ARHGEF18: variants seen among roughly 807,000 people sequenced by gnomAD.
The protein encoded by ARHGEF18 is rho guanine nucleotide exchange factor 18.
ARHGEF18 carries 93 observed loss-of-function variants against 155.7 expected under a neutral mutation model. The observed-to-expected ratio is 0.60, with a 90% CI of 0.50 to 0.71. The LOEUF (loss-of-function observed/expected upper bound fraction) is 0.71, where lower values mean the gene tolerates loss of function less well. Among genes scored for constraint, ARHGEF18 ranks in the 30% least tolerant of loss-of-function variants. ARHGEF18 has a pLI of 0.00. For synonymous variants in ARHGEF18, 742 were observed against 753.1 expected, an observed-to-expected ratio of 0.99 and a Z score of 0.24; for missense variants, 1,593 against 1,816.1, an observed-to-expected ratio of 0.88 and a Z score of 2.23.
intron 1 of ARHGEF18, among the ~76,000 whole-genome samples, chr19:7,353,712 G>A (rs1308328261): frequency 2.6e-5 from 4 of 151,768 alleles, no homozygotes; most frequent in African/African-American, 9.7e-5. Context: ...CAGTACTTTC[G>A]GAGGCCGAGG....
intron 10 of ARHGEF18, among the ~76,000 whole-genome samples, chr19:7,414,015 C>T (rs533612705): frequency 2.6e-4 from 40 of 152,232 alleles, no homozygotes; most frequent in South Asian, 1.5e-3. Flanking sequence ...GAGTGAGTAC[C>T]GGGATGCTTA....
rs761980836 is a variant in ARHGEF18 at position 7,442,036 on chromosome 19, A to T, written c.1344A>T (p.Arg448Ser). Residue 448 changes from arginine to serine, a missense_variant, in exon 13 of 29, where the codon AGA (arginine) becomes AGT (serine). Arg to Ser is a moderately radical substitution (Grantham distance 110). Transcript: ENST00000668164. ...AKKQKREVVK[R>S]QDVLYELMQT... The stretch of plus-strand genomic sequence containing the variant: ...AGCAAAAGAGGGAGGTGGTGAAAAG[A>T]CAAGATGTCCTTTATGGTGAGGAGT... 1.2e-6 allele frequency: 2 copies of T among 1,614,088 alleles called. No homozygotes were observed. The highest frequency in any genetic ancestry group is 1.7e-6 in the Non-Finnish European group (2 of 1,180,028).
intron 20 of ARHGEF18, among the ~76,000 whole-genome samples, chr19:7,460,527 C>T (rs900024073): frequency 4.6e-5 from 7 of 152,086 alleles, no homozygotes; most frequent in African/African-American, 1.2e-4. Flanking sequence ...AAAGAAGCCC[C>T]GTCCCCCTTA....
intron 26 of ARHGEF18, among the ~76,000 whole-genome samples, chr19:7,468,458 G>A (rs1202591251): frequency 6.6e-6 from 1 of 152,152 alleles, no homozygotes; most frequent in East Asian, 1.9e-4. Context: ...GAGGCAGGGG[G>A]ATCATTTGAG....
At position 7,463,701 on chromosome 19, in the gene ARHGEF18, C is replaced by T. The variant is rs1034317985; in HGVS notation, c.2636-117C>T. On this transcript the variant is annotated intron_variant, in intron 21 of 28. Transcript: ENST00000668164. This position sits in a 1 kb window ranked among gnomAD's most constrained non-coding sequence, Gnocchi z 5.2. Reference sequence around the variant, plus strand: ...CCCACGGCACACAGAAGGGGGCAGGCGATCACCACCCCAGTGAGTCCCTCC... The same window carrying T: ...CCCACGGCACACAGAAGGGGGCAGGTGATCACCACCCCAGTGAGTCCCTCC... 4.7e-6 allele frequency: 6 copies of T among 1,269,652 alleles called. No individual in the cohort carries two copies. The highest frequency in any genetic ancestry group is 2.7e-5 in the Admixed American group (1 of 36,562). 78.6% of individuals were successfully genotyped at this position (1,269,652 alleles called of 1,614,324 possible).
chr19:7,417,750 C>T lies in ARHGEF18; in HGVS notation c.968-22594C>T, dbSNP rs531266730. Among the ~76,000 whole-genome samples, 6 of 152,032 alleles carry T rather than the reference C, an allele frequency of 3.9e-5. No individual in the cohort carries two copies. The South Asian group carries it at 1.0e-3, about 26-fold the overall frequency. ...GGACAGGCAGAAGGAGCAGCAGCCA[C>T]GGGGGCCCAGTGGGATGGTGACATG... is the stretch of plus-strand genomic sequence containing the variant. On this transcript the variant is annotated intron_variant, in intron 10 of 28. Coordinates refer to ENST00000668164, the MANE Select transcript of ARHGEF18 (RefSeq NM_001367823.1).
At chr19:7,464,010 A>G (rs751455946) in intron 22 of ARHGEF18, 55 bp downstream of exon 22, 211 of 1,507,386 alleles carry the variant, frequency 1.4e-4, no homozygotes, top group Non-Finnish European at 1.8e-4. Flanking sequence ...CAGGATGCAC[A>G]TTAACTTGTA....
chr19:7,443,131 C>T lies in ARHGEF18; in HGVS notation c.1361-1073C>T, dbSNP rs7250998. ...AGGCTGGAGTGCAGTGGTTCCATCT[C>T]GGCTCACCTCCACCTCCCGGGTTCA... On this transcript the variant is annotated intron_variant, in intron 13 of 28. Coordinates refer to ENST00000668164, the MANE Select transcript of ARHGEF18 (RefSeq NM_001367823.1). Among the ~76,000 whole-genome samples the T allele has an allele frequency of 8.5e-3, 1,239 of 145,076 alleles. 17 individuals carry two copies. Among genetic ancestry groups the T allele is most frequent in the African/African-American group, 0.029 (1,112 of 39,006 alleles).
chr19:7,474,559 G>A (rs143187431), downstream of ARHGEF18, among the ~76,000 whole-genome samples: 716 of 151,896 alleles, frequency 4.7e-3, 4 homozygotes, highest in African/African-American at 0.016. Context: ...TTGCATTTTT[G>A]TAGAGATGGG....
chr19:7,357,481 G>C (rs868565795), intron 1 of ARHGEF18, among the ~76,000 whole-genome samples: 27 of 152,170 alleles, frequency 1.8e-4, no homozygotes, highest in South Asian at 6.2e-4. Flanking sequence ...GCTGATAGTG[G>C]AGGAGGCTGC....
chr19:7,367,159 A>C (rs1218020455), intron 2 of ARHGEF18, among the ~76,000 whole-genome samples: 1 of 152,188 alleles, frequency 6.6e-6, no homozygotes, highest in Non-Finnish European at 1.5e-5. Flanking sequence ...ACAATCCTAC[A>C]AGTAGGTGGC....
intron 22 of ARHGEF18, among the ~76,000 whole-genome samples, 175 bp downstream of exon 22, chr19:7,464,130 T>C (rs1297008311): frequency 1.3e-5 from 2 of 152,182 alleles, no homozygotes; most frequent in Admixed American, 6.5e-5. Context: ...CTCTGCCTCC[T>C]GGGTTCAAGT....
intron 10 of ARHGEF18, among the ~76,000 whole-genome samples, chr19:7,406,474 T>G (rs1250984672): frequency 6.6e-6 from 1 of 152,202 alleles, no homozygotes; most frequent in African/African-American, 2.4e-5. Context: ...TATTACAGTC[T>G]GTCAAATGTC....
intron 10 of ARHGEF18, among the ~76,000 whole-genome samples, chr19:7,408,033 T>C (rs10422562): frequency 0.16 from 23,593 of 149,616 alleles, 3,946 homozygotes; most frequent in African/African-American, 0.43. Flanking sequence ...AATCTCAGCA[T>C]TTCAGGAGGC....
chr19:7,464,571 A>G lies in ARHGEF18; in HGVS notation c.2785A>G (p.Lys929Glu). ...TNSPTKNGSF[K>E]KKVSSTDPRP... ...CTTGGGGTTCTCAGATGGCAGTTTC[A>G]AGAAGAAAGTCAGCAGCACTGACCC... The change falls in exon 23 of 29, where the codon AAG (lysine) becomes GAG (glutamate). Residue 929 changes from lysine to glutamate, a missense_variant. Physicochemically the swap from Lys to Glu is moderately conservative, Grantham distance 56 (BLOSUM62 1). Coordinates refer to ENST00000668164, the MANE Select transcript of ARHGEF18 (RefSeq NM_001367823.1). The G allele has an allele frequency of 1.2e-6, 2 of 1,610,324 alleles. No individual in the cohort carries two copies. Among genetic ancestry groups the G allele is most frequent in the South Asian group, 1.1e-5 (1 of 91,006 alleles).
chr19:7,450,993 T>A (rs954673897), intron 15 of ARHGEF18, among the ~76,000 whole-genome samples, 156 bp from the exon 16 acceptor site: 20 of 152,242 alleles, frequency 1.3e-4, no homozygotes, highest in African/African-American at 4.8e-4. Context: ...TAATGCAGGA[T>A]CTTGCTGTCC....
At position 7,412,735 on chromosome 19, in the gene ARHGEF18, C is replaced by G. The variant is rs1972761825; in HGVS notation, c.968-27609C>G. On this transcript the variant is annotated intron_variant, in intron 10 of 28. Coordinates refer to ENST00000668164, the MANE Select transcript of ARHGEF18 (RefSeq NM_001367823.1). ...GGAGCCTGGGTGACAGAGCAAGACTCTGTCTCAAAAAAAAAAAAAAAGTAA... is the reference window on the plus strand; with the variant it reads ...GGAGCCTGGGTGACAGAGCAAGACTGTGTCTCAAAAAAAAAAAAAAAGTAA... Among the ~76,000 whole-genome samples, 3 of 120,922 alleles carry G rather than the reference C, an allele frequency of 2.5e-5. No individual in the cohort carries two copies. In the Admixed American group the frequency reaches 2.8e-4, roughly 11 times the overall value. 79.3% of individuals were successfully genotyped at this position (120,922 alleles called of 152,430 possible).
At chr19:7,477,228 C>G, downstream of ARHGEF18, 2 of 1,529,146 alleles carry the variant, frequency 1.3e-6, no homozygotes, top group Non-Finnish European at 1.8e-6. Context: ...TCGGCCTGGC[C>G]GCCGGCCCGG....
Position 7,470,291 on chromosome 19 carries a change from T to C in ARHGEF18, c.4079T>C (p.Phe1360Ser). The C allele has an allele frequency of 1.3e-6, 2 of 1,532,160 alleles. No homozygotes were observed. The highest frequency in any genetic ancestry group is 1.8e-6 in the Non-Finnish European group (2 of 1,140,910). 94.9% of individuals were successfully genotyped at this position (1,532,160 alleles called of 1,614,324 possible). The change falls in exon 29 of 29, where the codon TTC becomes TCC. Residue 1360 changes from phenylalanine (F) to serine (S), a missense_variant. Transcript: ENST00000668164. The surrounding 1 kb of genome is among the most constrained non-coding windows in gnomAD (Gnocchi z 5.9). ...KEDASKEDVI[F>S]F is the part of the protein sequence containing the mutation. Reference sequence around the variant, plus strand: ...GACGCCAGCAAAGAAGACGTCATCTTCTTCTAAAAGGGCCGTGACTCAAGG... The same window carrying C: ...GACGCCAGCAAAGAAGACGTCATCTCCTTCTAAAAGGGCCGTGACTCAAGG...
Sources: allele counts gnomAD v4.1 joint callset (sites outside exome capture counted in the v4.1 genomes callset), GRCh38; gene constraint gnomAD v4.1.1; non-coding constraint Gnocchi (gnomAD v3.1); transcripts MANE v1.5; gene names NCBI Gene and HGNC (gene_info 2026-07-23, HGNC 2026-07-21).